The following PFKFB1 variants were observed in gnomAD, a reference collection of about 807,000 sequenced individuals.
The protein encoded by PFKFB1 is 6-phosphofructo-2-kinase/fructose-2,6-bisphosphatase 1.
A neutral mutation model predicts 46.4 loss-of-function variants in PFKFB1; 34 were observed. The ratio of observed to expected loss-of-function variants is 0.73; its 90% CI spans 0.56 to 0.98. The LOEUF is 0.98. Among genes scored for constraint, PFKFB1 ranks in the 50% least tolerant of loss-of-function variants. The pLI, the probability that PFKFB1 is intolerant of heterozygous loss-of-function variation, is 0.00. For missense variants in PFKFB1, 393 were observed against 376.3 expected (o/e 1.04, Z -0.37); for synonymous variants, 119 against 133.8 (o/e 0.89, Z 0.76).
Position 54,945,482 on chromosome X carries a change from A to C in PFKFB1, c.1055T>G (p.Leu352Arg). The change falls in exon 10 of 14, where the codon CTG (leucine) becomes CGG (arginine). Residue 352 changes from leucine (L) to arginine (R), a missense_variant. Transcript: ENST00000375006. ...GTAGCGATATTTATCTTGGTCTCGC[A>C]GTGCAAATTCTTCAGGGTAATGTTC... Reference protein sequence around the residue: ...IQEHYPEEFALRDQDKYRYRY... With the variant: ...IQEHYPEEFARRDQDKYRYRY... The C allele has an allele frequency of 1.1e-5, 13 of 1,204,197 alleles. No individual in the cohort carries two copies. Among genetic ancestry groups the C allele is most frequent in the Non-Finnish European group, 1.5e-5 (13 of 889,254 alleles).
At chrX:54,964,192 T>C (rs1248750047) in intron 1 of PFKFB1, among the ~76,000 whole-genome samples, 1 of 109,046 alleles carries the variant, frequency 9.2e-6, no homozygotes, top group Non-Finnish European at 1.9e-5. Context: ...TAAGCCCACT[T>C]GGGTTAGAAC....
intron 1 of PFKFB1, among the ~76,000 whole-genome samples, chrX:54,973,306 A>G (rs1261240296): frequency 2.7e-5 from 3 of 110,794 alleles, no homozygotes; most frequent in Non-Finnish European, 5.7e-5. Flanking sequence ...TGGATTCATT[A>G]ATTTTTTGAA....
chrX:54,987,225 T>C (rs186377453), intron 1 of PFKFB1, among the ~76,000 whole-genome samples: 180 of 111,337 alleles, frequency 1.6e-3, no homozygotes, highest in Non-Finnish European at 2.4e-3. Flanking sequence ...ATTAGAATGA[T>C]ACAAACTCTC....
At chrX:54,976,578 T>A (rs1278069960) in intron 1 of PFKFB1, among the ~76,000 whole-genome samples, 1 of 111,884 alleles carries the variant, frequency 8.9e-6, no homozygotes, top group African/African-American at 3.2e-5. Flanking sequence ...GAAAACAGTT[T>A]GGCAGTTACT....
At chrX:54,942,844 A>C (rs1421345319) in intron 10 of PFKFB1, among the ~76,000 whole-genome samples, 1 of 112,261 alleles carries the variant, frequency 8.9e-6, no homozygotes, top group Non-Finnish European at 1.9e-5. Context: ...CAGAAATAAA[A>C]AATAGTCATT....
intron 2 of PFKFB1, among the ~76,000 whole-genome samples, chrX:54,962,765 G>C (rs948299885): frequency 8.9e-6 from 1 of 111,821 alleles, no homozygotes; most frequent in Non-Finnish European, 1.9e-5. Context: ...TCATGCATTA[G>C]ACTTGGCACA....
At chrX:54,956,958 G>A (rs1934164533) in intron 6 of PFKFB1, among the ~76,000 whole-genome samples, 1 of 111,756 alleles carries the variant, frequency 8.9e-6, no homozygotes, top group Admixed American at 9.5e-5. Context: ...CACCATACTG[G>A]CAGCCAGAAG....
At chrX:54,950,465 G>C (rs776638842) in intron 8 of PFKFB1, among the ~76,000 whole-genome samples, 54 of 112,252 alleles carry the variant, frequency 4.8e-4, no homozygotes, top group African/African-American at 1.7e-3. Flanking sequence ...GCGCAAGTGA[G>C]AGCTACCTCG....
intron 1 of PFKFB1, among the ~76,000 whole-genome samples, chrX:54,968,339 G>A (rs1934535897): frequency 1.4e-5 from 1 of 69,168 alleles, no homozygotes; most frequent in African/African-American, 5.5e-5. Flanking sequence ...GGGGAGGGGG[G>A]AGGGATAGCA....
intron 1 of PFKFB1, among the ~76,000 whole-genome samples, chrX:54,975,743 A>T (rs957410057): frequency 7.1e-5 from 8 of 111,922 alleles, no homozygotes; most frequent in African/African-American, 2.6e-4. Context: ...AAGGATAGCA[A>T]TCTAGATCAA....
upstream of PFKFB1, among the ~76,000 whole-genome samples, chrX:54,997,768 A>G (rs1466742012): frequency 1.8e-5 from 2 of 111,909 alleles, no homozygotes; most frequent in Admixed American, 1.9e-4. Flanking sequence ...TTTCGGCCTC[A>G]TGCCTGGGCC....
At chrX:54,934,493 T>G (rs1306324650) in intron 12 of PFKFB1, among the ~76,000 whole-genome samples, 1 of 111,595 alleles carries the variant, frequency 9.0e-6, no homozygotes, top group African/African-American at 3.3e-5. Flanking sequence ...GGACTGCACC[T>G]TACTCCAGGC....
At chrX:54,953,476 A>G (rs1161034160) in intron 7 of PFKFB1, among the ~76,000 whole-genome samples, 1 of 111,717 alleles carries the variant, frequency 9.0e-6, no homozygotes, top group African/African-American at 3.3e-5. Flanking sequence ...TAATATTGCT[A>G]CAGAGCAGAG....
chrX:54,958,816 A>T (rs1240934084), intron 5 of PFKFB1, 35 bp downstream of exon 5: 4 of 991,134 alleles, frequency 4.0e-6, no homozygotes, highest in Non-Finnish European at 5.7e-6. Context: ...TGCTGGAGAA[A>T]TAGGCTCTAG....
At chrX:54,975,446 G>A (rs1445425026) in intron 1 of PFKFB1, among the ~76,000 whole-genome samples, 1 of 110,323 alleles carries the variant, frequency 9.1e-6, no homozygotes, top group Non-Finnish European at 1.9e-5. Context: ...ATGCAAAGGG[G>A]TAAGAATGAT....
chrX:54,965,461 A>G (rs1445410336), intron 1 of PFKFB1, among the ~76,000 whole-genome samples: 1 of 111,892 alleles, frequency 8.9e-6, no homozygotes, highest in Non-Finnish European at 1.9e-5. Flanking sequence ...AAGTTCTGCA[A>G]AAATATCCTT....
At chrX:54,974,042 C>T (rs1445332938) in intron 1 of PFKFB1, among the ~76,000 whole-genome samples, 1 of 111,083 alleles carries the variant, frequency 9.0e-6, no homozygotes, top group Non-Finnish European at 1.9e-5. Context: ...GTCTATTCTC[C>T]CCAAAGTGAC....
chrX:54,992,344 C>T (rs1602231742), intron 1 of PFKFB1, among the ~76,000 whole-genome samples: 1 of 112,195 alleles, frequency 8.9e-6, no homozygotes, highest in African/African-American at 3.2e-5. Flanking sequence ...CTCTTCTAAG[C>T]ACATCCCATG....
chrX:54,939,098 A>T (rs1933515025), intron 10 of PFKFB1, among the ~76,000 whole-genome samples: 1 of 111,924 alleles, frequency 8.9e-6, no homozygotes, highest in Admixed American at 9.5e-5. Context: ...CTCATGCAAA[A>T]CCGCTCAGCT....
Sources: gnomAD v4.1 joint callset for allele counts (sites outside exome capture counted in the v4.1 genomes callset) on GRCh38, gnomAD v4.1.1 for gene constraint, MANE v1.5 for transcripts, NCBI Gene and HGNC (gene_info 2026-07-23, HGNC 2026-07-21) for gene names.